DGKB: variants seen among roughly 807,000 people sequenced by gnomAD.
DGKB encodes the protein diacylglycerol kinase beta.
In DGKB, 67 loss-of-function variants were observed where a neutral mutation model predicts 114.3. The observed-to-expected ratio is 0.59, with a 90% confidence interval of 0.48 to 0.72. DGKB has a LOEUF of 0.72. Among genes scored for constraint, DGKB ranks in the 30% least tolerant of loss-of-function variants. The pLI, the probability that DGKB is intolerant of heterozygous loss-of-function variation, is 0.00. For missense variants in DGKB, 907 were observed against 975.2 expected (o/e 0.93, Z 0.93); for synonymous variants, 398 against 323.1 (o/e 1.23, Z -2.49).
chr7:14,297,287 T>C (rs369935488), intron 23 of DGKB, among the ~76,000 whole-genome samples: 2 of 152,282 alleles, frequency 1.3e-5, no homozygotes, highest in East Asian at 3.9e-4. Flanking sequence ...CTGATGAATA[T>C]GGATGCCAAA....
chr7:14,843,113 G>T (rs1289636638), intron 1 of DGKB, among the ~76,000 whole-genome samples: 1 of 151,642 alleles, frequency 6.6e-6, no homozygotes, highest in Non-Finnish European at 1.5e-5. Flanking sequence ...AATAGTGGGG[G>T]AGCTGAGGTG....
chr7:14,789,241 A>G (rs572331614), intron 2 of DGKB, among the ~76,000 whole-genome samples: 2 of 152,298 alleles, frequency 1.3e-5, no homozygotes, highest in East Asian at 1.9e-4. Flanking sequence ...GATATGATCA[A>G]TAAACAGACC....
chr7:14,632,939 G>T (rs940967119), intron 13 of DGKB, among the ~76,000 whole-genome samples: 1 of 151,830 alleles, frequency 6.6e-6, no homozygotes, highest in African/African-American at 2.4e-5. Context: ...GCGGCCAAAA[G>T]ATAATACAAA....
At position 14,351,828 on chromosome 7, in the gene DGKB, A is replaced by G. The variant is rs188663527; in HGVS notation, c.1836-6437T>C. On this transcript the variant is annotated intron_variant, in intron 21 of 25. Coordinates refer to ENST00000402815, the MANE Select transcript of DGKB (RefSeq NM_001350709.2). ...TGGTGGAAGTGACCCGAAATTCTAC[A>G]CATGTTATAGAAAGAACTCCATTTT... Among the ~76,000 whole-genome samples the G allele has an allele frequency of 1.4e-4, 22 of 152,340 alleles. No homozygotes were observed. The East Asian group carries it at 3.3e-3, about 23-fold the overall frequency.
rs572105249 is a variant in DGKB, at chr7:14,766,260, G to A, written c.71-8529C>T. Among the ~76,000 whole-genome samples the A allele has an allele frequency of 6.6e-5, 10 of 152,070 alleles. No homozygotes were observed. The East Asian group carries it at 1.9e-3, about 29-fold the overall frequency. On this transcript the variant is annotated intron_variant, in intron 2 of 25. Transcript: ENST00000402815. ...TCCTATAGTTTGTATTCTAGTGCAA[G>A]AAGATAGATTACAAACATAATACAT...
chr7:14,288,704 T>C (rs17168044), intron 23 of DGKB, among the ~76,000 whole-genome samples: 2,715 of 152,248 alleles, frequency 0.018, 81 homozygotes, highest in African/African-American at 0.062. Context: ...CTTTGATTGT[T>C]AGTCAGACTC....
In DGKB at chr7:14,553,865, C is replaced by CTTTTTTTT. The variant is rs58879064; in HGVS notation, c.1770+20339_1770+20346dup. Reference sequence around the variant, plus strand: ...ATATATTTGTGTGCTCCTTTACATGCTTTTTTTTTTTTTTTTTTTTTTTTT... The same window carrying CTTTTTTTT: ...ATATATTTGTGTGCTCCTTTACATGCTTTTTTTTTTTTTTTTTTTTTTTTTTTTTTTTT... On this transcript the variant is annotated intron_variant, in intron 20 of 25. Transcript: ENST00000402815. Among the ~76,000 whole-genome samples the CTTTTTTTT allele has an allele frequency of 3.4e-3, 244 of 71,236 alleles. 23 individuals carry two copies. Among genetic ancestry groups the CTTTTTTTT allele is most frequent in the Non-Finnish European group, 4.0e-3 (162 of 40,998 alleles). The allele number at this position is 71,236 out of a possible 152,430, so 46.7% of individuals were successfully genotyped here.
chr7:14,836,948 G>A (rs1586821862), intron 2 of DGKB, among the ~76,000 whole-genome samples: 2 of 152,296 alleles, frequency 1.3e-5, no homozygotes, highest in South Asian at 2.1e-4. Flanking sequence ...TCAACAATAT[G>A]TTCAAACAGC....
intron 13 of DGKB, among the ~76,000 whole-genome samples, chr7:14,655,762 T>G (rs1394537152): frequency 6.6e-6 from 1 of 151,656 alleles, no homozygotes; most frequent in Admixed American, 6.6e-5. Context: ...AAGGGCATTA[T>G]GTTAAATTAG....
At chr7:14,890,212 C>T (rs187376934) in intron 1 of DGKB, among the ~76,000 whole-genome samples, 1 of 151,534 alleles carries the variant, frequency 6.6e-6, no homozygotes, top group Admixed American at 6.6e-5. Context: ...ACAGCTAACC[C>T]TATTTATATA....
chr7:14,962,971 G>C (rs1338046718), intron 1 of DGKB, among the ~76,000 whole-genome samples: 1 of 152,006 alleles, frequency 6.6e-6, no homozygotes, highest in African/African-American at 2.4e-5. Context: ...CACTTGCTCA[G>C]TTGAGCACTT....
At chr7:14,815,867 CA>C (rs1187814648) in intron 2 of DGKB, among the ~76,000 whole-genome samples, 4 of 152,150 alleles carry the variant, frequency 2.6e-5, no homozygotes, top group Non-Finnish European at 5.9e-5. Flanking sequence ...TTCCCTGGAC[CA>C]GATCTGTTGG....
chr7:14,150,142 G>A (rs1781974805), intron 25 of DGKB, among the ~76,000 whole-genome samples: 1 of 152,012 alleles, frequency 6.6e-6, no homozygotes, highest in Non-Finnish European at 1.5e-5. Context: ...TTGCCTTTGG[G>A]CTAGTGACGC....
chr7:14,315,638 C>T (rs1806330502), intron 23 of DGKB, among the ~76,000 whole-genome samples: 5 of 145,990 alleles, frequency 3.4e-5, no homozygotes, highest in African/African-American at 1.3e-4. Context: ...TAAAGCAAGT[C>T]CTGAGTGACC....
chr7:14,606,652 T>C (rs1380972171), intron 17 of DGKB, among the ~76,000 whole-genome samples: 3 of 151,900 alleles, frequency 2.0e-5, no homozygotes, highest in South Asian at 2.1e-4. Context: ...GTCCACTTCA[T>C]GTGGTCTAAT....
chr7:14,405,995 G>A (rs779801615), intron 21 of DGKB, among the ~76,000 whole-genome samples: 1 of 151,912 alleles, frequency 6.6e-6, no homozygotes. Context: ...AAAGGAGGAG[G>A]TTGTATTACC....
At chr7:14,475,040 T>C (rs1376213464) in intron 21 of DGKB, among the ~76,000 whole-genome samples, 2 of 152,176 alleles carry the variant, frequency 1.3e-5, no homozygotes, top group Non-Finnish European at 2.9e-5. Context: ...GTTCTTTCAA[T>C]TTCTGTCATA....
intron 20 of DGKB, among the ~76,000 whole-genome samples, chr7:14,506,192 T>G (rs898389619): frequency 2.6e-5 from 4 of 152,190 alleles, no homozygotes; most frequent in Admixed American, 6.5e-5. Flanking sequence ...CAAAATTTTC[T>G]GATTAGAGTA....
At chr7:14,188,800 CTCTTA>C (rs1233419415) in intron 23 of DGKB, among the ~76,000 whole-genome samples, 1 of 151,596 alleles carries the variant, frequency 6.6e-6, no homozygotes, top group African/African-American at 2.4e-5. Flanking sequence ...AGTATCAAGT[CTCTTA>C]TAAGGGAATC....
Sources: gnomAD v4.1 joint callset for allele counts (sites outside exome capture counted in the v4.1 genomes callset) on GRCh38, gnomAD v4.1.1 for gene constraint, MANE v1.5 for transcripts, NCBI Gene and HGNC (gene_info 2026-07-23, HGNC 2026-07-21) for gene names.